Variants in CELSR1 observed in about 807,000 individuals in gnomAD.
CELSR1 encodes adhesion G protein-coupled receptor C1.
CELSR1 carries 110 observed loss-of-function variants against 249.1 expected under a neutral mutation model. That is an observed-to-expected ratio of 0.44 (90% CI 0.38 to 0.52). CELSR1 has a LOEUF of 0.52. Among genes scored for constraint, CELSR1 ranks in the 20% least tolerant of loss-of-function variants. The pLI is 0.00. For missense variants in CELSR1, 4,109 were observed against 4,296.4 expected (o/e 0.96, Z 1.22); for synonymous variants, 2,113 against 1,900.0 (o/e 1.11, Z -2.92).
intron 1 of CELSR1, among the ~76,000 whole-genome samples, chr22:46,528,526 G>T (rs942773662): frequency 1.3e-5 from 2 of 152,192 alleles, no homozygotes; most frequent in African/African-American, 2.4e-5. Flanking sequence ...CTACAGCCCT[G>T]CACCCACGGA....
chr22:46,519,688 G>A (rs887102732), intron 1 of CELSR1, among the ~76,000 whole-genome samples: 1 of 152,164 alleles, frequency 6.6e-6, no homozygotes, highest in African/African-American at 2.4e-5. Context: ...AGAACCTGCA[G>A]AAAAACCAGG....
Position 46,526,423 on chromosome 22 carries a change from C to A in CELSR1, c.3544+7204G>T, listed in dbSNP as rs977078179. ...CTTGTGCAGGCCTGTCCCCATGACA[C>A]CCTGCCTTCCCTCTGAGGCTGGGTC... On this transcript the variant is annotated intron_variant, in intron 1 of 34. Coordinates refer to ENST00000674500, the MANE Select transcript of CELSR1 (RefSeq NM_001378328.1). This position sits in a 1 kb window ranked among gnomAD's most constrained non-coding sequence, Gnocchi z 4.7. Among the ~76,000 whole-genome samples the A allele has an allele frequency of 1.3e-5, 2 of 152,188 alleles. No homozygotes were observed. Among genetic ancestry groups the A allele is most frequent in the African/African-American group, 4.8e-5 (2 of 41,450 alleles).
At position 46,413,233 on chromosome 22, in the gene CELSR1, G is replaced by A. The variant is rs987996342; in HGVS notation, c.4612-1474C>T. On this transcript the variant is annotated intron_variant, in intron 5 of 34. Transcript: ENST00000674500. The surrounding 1 kb of genome is among the most constrained non-coding windows in gnomAD (Gnocchi z 4.7). The stretch of plus-strand genomic sequence containing the variant: ...ATCTTCAGTTTTTAATAGGAACAAA[G>A]TATCTATTTTGATCAGGGAAACGAG... 3.3e-5 allele frequency among the ~76,000 whole-genome samples: 5 copies of A among 152,216 alleles called. No homozygotes were observed. Among genetic ancestry groups the A allele is most frequent in the Non-Finnish European group, 7.3e-5 (5 of 68,044 alleles).
Position 46,534,594 on chromosome 22 carries a change from C to A in CELSR1, c.2577G>T (p.Thr859=). 3.7e-6 allele frequency: 6 copies of A among 1,613,846 alleles called. No homozygotes were observed. Among genetic ancestry groups the A allele is most frequent in the Non-Finnish European group, 5.1e-6 (6 of 1,180,036 alleles). ...ELDYENQVAY[T]LTIMAQDNGI... Reference sequence around the variant, plus strand: ...CGTTGTCCTGGGCCATGATGGTCAGCGTGTAGGCGACCTGGTTCTCATAGT... The same window carrying A: ...CGTTGTCCTGGGCCATGATGGTCAGAGTGTAGGCGACCTGGTTCTCATAGT... Residue 859 remains threonine (T), a synonymous_variant, in exon 1 of 35, where the codon ACG becomes ACT. Transcript: ENST00000674500. This position sits in a 1 kb window ranked among gnomAD's most constrained non-coding sequence, Gnocchi z 9.7.
rs1602067394 is a variant in CELSR1 at position 46,391,558 on chromosome 22, T to C, written c.6148+75A>G. 3 of 1,448,512 alleles carry C rather than the reference T, an allele frequency of 2.1e-6. No homozygotes were observed. Among genetic ancestry groups the C allele is most frequent in the East Asian group, 4.7e-5 (2 of 42,784 alleles). The allele number at this position is 1,448,512 out of a possible 1,614,324, so 89.7% of individuals were successfully genotyped here. On this transcript the variant is annotated intron_variant, in intron 15 of 34. Coordinates refer to ENST00000674500, the MANE Select transcript of CELSR1 (RefSeq NM_001378328.1). The surrounding 1 kb of genome is among the most constrained non-coding windows in gnomAD (Gnocchi z 4.3). ...GGGTCCCCCAAACACCCAGCGTGCATGCACACACGTGCACGCCAGTGCAGC... is the reference window on the plus strand; with the variant it reads ...GGGTCCCCCAAACACCCAGCGTGCACGCACACACGTGCACGCCAGTGCAGC...
intron 9 of CELSR1, among the ~76,000 whole-genome samples, chr22:46,405,022 C>T (rs1344821690): frequency 2.0e-5 from 3 of 148,872 alleles, no homozygotes; most frequent in Non-Finnish European, 3.0e-5. Flanking sequence ...ATGGGGTTTC[C>T]CCATGTTGGC....
At chr22:46,419,665 C>G (rs1257100428) in intron 5 of CELSR1, among the ~76,000 whole-genome samples, 1 of 144,968 alleles carries the variant, frequency 6.9e-6, no homozygotes. Context: ...AATGACTTTT[C>G]TGAGCAAGCA....
At chr22:46,414,027 T>A (rs542011537) in intron 5 of CELSR1, among the ~76,000 whole-genome samples, 1 of 152,306 alleles carries the variant, frequency 6.6e-6, no homozygotes, top group East Asian at 1.9e-4. Context: ...TGGTAATCAA[T>A]GGCTCAGAGC....
chr22:46,391,707 T>C lies in CELSR1; in HGVS notation c.6074A>G (p.Lys2025Arg). The change falls in exon 15 of 35, where the codon AAG becomes AGG. Residue 2025 changes from lysine to arginine, a missense_variant. This residue lies in a region of CELSR1 where 1,805 missense variants were observed against 1,831.6 expected (regional missense o/e 0.99). Coordinates refer to ENST00000674500, the MANE Select transcript of CELSR1 (RefSeq NM_001378328.1). This position sits in a 1 kb window ranked among gnomAD's most constrained non-coding sequence, Gnocchi z 4.3. Reference protein sequence around the residue: ...CDMATGQCACKPGVIGRQCNR... With the variant: ...CDMATGQCACRPGVIGRQCNR... ...GCACTGGCGGCCGATGACGCCGGGC[T>C]TGCAGGCACACTGCCCGGTGGCCAT... is the stretch of plus-strand genomic sequence containing the variant. 6.2e-7 allele frequency: 1 copy of C among 1,611,264 alleles called. No homozygotes were observed. Among genetic ancestry groups the C allele is most frequent in the South Asian group, 1.1e-5 (1 of 90,796 alleles).
At position 46,433,299 on chromosome 22, in the gene CELSR1, T is replaced by G; in HGVS notation, c.4611+94A>C. The G allele has an allele frequency of 2.2e-6, 2 of 911,234 alleles. No individual in the cohort carries two copies. 56.4% of individuals were successfully genotyped at this position (911,234 alleles called of 1,614,324 possible). ...ATCCACCTGCCTTGGCCTCTCAAAG[T>G]GCTGGGATTACAGGCGTGAGCCACT... is the stretch of plus-strand genomic sequence containing the variant. On this transcript the variant is annotated intron_variant, in intron 5 of 34. Transcript: ENST00000674500. The surrounding 1 kb of genome is among the most constrained non-coding windows in gnomAD (Gnocchi z 5.7).
In CELSR1 at chr22:46,439,341, G is replaced by A. The variant is rs370490684; in HGVS notation, c.4254C>T (p.Cys1418=). ...ANGVCKNGGT[C]VNLLIGGFHC... is the part of the protein sequence containing the mutation. ...GGAAGCCGCCGATGAGCAGGTTCAC[G>A]CAGGTGCCCCCGTTCTTGCACACCC... Residue 1418 remains cysteine, a synonymous_variant, in exon 3 of 35, where the codon TGC becomes TGT. Transcript: ENST00000674500. The A allele has an allele frequency of 3.2e-5, 52 of 1,614,076 alleles. No homozygotes were observed. The highest frequency in any genetic ancestry group is 1.7e-4 in the Middle Eastern group (1 of 6,050).
chr22:46,470,936 C>T (rs977138822), intron 1 of CELSR1, among the ~76,000 whole-genome samples: 4 of 152,078 alleles, frequency 2.6e-5, no homozygotes, highest in African/African-American at 7.2e-5. Context: ...ACTAGCCTGG[C>T]GAACGTGGCA....
rs182469703 is a variant in CELSR1, at chr22:46,436,928, C to T, written c.4407-639G>A. On this transcript the variant is annotated intron_variant, in intron 3 of 34. Coordinates refer to ENST00000674500, the MANE Select transcript of CELSR1 (RefSeq NM_001378328.1). The surrounding 1 kb of genome is among the most constrained non-coding windows in gnomAD (Gnocchi z 5.9). ...GCCCTTACCTCCCATCAGCCTATGA[C>T]ATCACTCAGTTAATTTCTGAAATCA... 1.3e-3 allele frequency among the ~76,000 whole-genome samples: 199 copies of T among 152,316 alleles called. No homozygotes were observed. The highest frequency in any genetic ancestry group is 4.3e-3 in the African/African-American group (179 of 41,584).
rs188689274 is a variant in CELSR1 at position 46,482,179 on chromosome 22, G to A, written c.3545-17834C>T. Among the ~76,000 whole-genome samples the A allele has an allele frequency of 3.8e-3, 576 of 152,314 alleles. 7 individuals carry two copies. Among genetic ancestry groups the A allele is most frequent in the African/African-American group, 0.013 (544 of 41,576 alleles). ...CTCAATCCCCAGAAGCTGTGACTGC[G>A]TTATGCCACATGGCACAGGGGCACG... On this transcript the variant is annotated intron_variant, in intron 1 of 34. Coordinates refer to ENST00000674500, the MANE Select transcript of CELSR1 (RefSeq NM_001378328.1).
chr22:46,367,045 C>A lies in CELSR1; in HGVS notation c.8153G>T (p.Gly2718Val). The A allele has an allele frequency of 6.2e-7, 1 of 1,611,146 alleles. No homozygotes were observed. The highest frequency in any genetic ancestry group is 8.5e-7 in the Non-Finnish European group (1 of 1,179,622). Residue 2718 changes from glycine to valine, a missense_variant, in exon 29 of 35, where the codon GGG becomes GTG. Around this residue, in one of 7 missense-constraint regions of CELSR1, gnomAD observed 1,805 missense variants for 1,831.6 expected, o/e 0.99. Transcript: ENST00000674500. ...VRKHLKGVLG[G>V]RKLHLEDSAT... Reference sequence around the variant, plus strand: ...GGAGTCCTCCAGGTGCAGCTTCCTCCCGCCGAGCACGCCCTTCAGGTGCTT... The same window carrying A: ...GGAGTCCTCCAGGTGCAGCTTCCTCACGCCGAGCACGCCCTTCAGGTGCTT...
At chr22:46,418,401 C>T (rs2079427549) in intron 5 of CELSR1, among the ~76,000 whole-genome samples, 2 of 152,166 alleles carry the variant, frequency 1.3e-5, no homozygotes, top group Non-Finnish European at 2.9e-5. Flanking sequence ...TGGAAAATCG[C>T]TTGAACCCGG....
At position 46,398,450 on chromosome 22, in the gene CELSR1, A is replaced by T; in HGVS notation, c.5526+74T>A. 1 of 1,058,932 alleles carries T rather than the reference A, an allele frequency of 9.4e-7. No homozygotes were observed. The highest frequency in any genetic ancestry group is 1.5e-5 in the South Asian group (1 of 66,380). 65.6% of individuals were successfully genotyped at this position (1,058,932 alleles called of 1,614,324 possible). A position where few individuals can be genotyped will look rare whatever the true frequency, so the allele number is the denominator to read the frequency against. On this transcript the variant is annotated intron_variant, in intron 11 of 34. Coordinates refer to ENST00000674500, the MANE Select transcript of CELSR1 (RefSeq NM_001378328.1). This position sits in a 1 kb window ranked among gnomAD's most constrained non-coding sequence, Gnocchi z 7.2. ...AGCTAACAGGTTGACCAACGGAACC[A>T]CCTATGGTGCTGCCAGCCTCGGAGC...
At chr22:46,496,872 TAGA>T (rs2080419248) in intron 1 of CELSR1, among the ~76,000 whole-genome samples, 1 of 151,970 alleles carries the variant, frequency 6.6e-6, no homozygotes, top group Non-Finnish European at 1.5e-5. Flanking sequence ...TAAATGTAAG[TAGA>T]AGGAGTACAC....
In CELSR1 at chr22:46,364,231, T is replaced by G. The variant is rs1166331625; in HGVS notation, c.8800A>C (p.Thr2934Pro). 6.2e-7 allele frequency: 1 copy of G among 1,608,630 alleles called. No homozygotes were observed. Among genetic ancestry groups the G allele is most frequent in the East Asian group, 2.2e-5 (1 of 44,814 alleles). The change falls in exon 34 of 35, where the codon ACC (threonine) becomes CCC (proline). Residue 2934 changes from threonine (T) to proline (P), a missense_variant. By Grantham distance (38) the Thr-to-Pro change is conservative. Transcript: ENST00000674500. Reference protein sequence around the residue: ...QRKGILKNKVTYPPPLTLTEQ... With the variant: ...QRKGILKNKVPYPPPLTLTEQ... ...GTCAGCGTCAGCGGCGGCGGGTAGG[T>G]GACTTTATTTTTCAAGATGCCTGGG...
Sources: gnomAD v4.1 joint callset for allele counts (sites outside exome capture counted in the v4.1 genomes callset) on GRCh38, gnomAD v4.1.1 for gene constraint, gnomAD v4.1.1 regional missense constraint, Gnocchi (gnomAD v3.1) non-coding constraint, MANE v1.5 for transcripts, NCBI Gene and HGNC (gene_info 2026-07-23, HGNC 2026-07-21) for gene names.